VWA8: variants seen among roughly 807,000 people sequenced by gnomAD.
VWA8 encodes the protein von Willebrand factor A domain-containing protein 8.
VWA8 carries 221 observed loss-of-function variants against 241.5 expected under a neutral mutation model. The ratio of observed to expected loss-of-function variants is 0.91; its 90% CI spans 0.82 to 1.02. VWA8 has a LOEUF of 1.02. Among genes scored for constraint, VWA8 ranks in the 50% least tolerant of loss-of-function variants. The pLI is 0.00. For synonymous variants in VWA8, 852 were observed against 827.1 expected (o/e 1.03, Z -0.52); for missense variants, 2,322 against 2,328.7 (o/e 1.00, Z 0.06).
At chr13:41,707,017 C>T (rs1002926540) in intron 26 of VWA8, among the ~76,000 whole-genome samples, 3 of 151,918 alleles carry the variant, frequency 2.0e-5, no homozygotes, top group African/African-American at 7.3e-5. Context: ...ATTTCTTAAT[C>T]CCTTGTGGAA....
chr13:41,829,193 A>G (rs1434479641), intron 14 of VWA8, among the ~76,000 whole-genome samples: 4 of 152,360 alleles, frequency 2.6e-5, no homozygotes, highest in Admixed American at 6.5e-5. Context: ...ACAATGAGAT[A>G]CCACCTTACT....
At chr13:41,789,436 A>G (rs967721610) in intron 17 of VWA8, among the ~76,000 whole-genome samples, 9 of 152,190 alleles carry the variant, frequency 5.9e-5, no homozygotes, top group African/African-American at 2.2e-4. Flanking sequence ...TTTAAAAGTA[A>G]TTATTACATT....
intron 2 of VWA8, among the ~76,000 whole-genome samples, chr13:41,912,805 C>A (rs915628442): frequency 6.6e-6 from 1 of 152,150 alleles, no homozygotes; most frequent in African/African-American, 2.4e-5. Context: ...ATGCAACGCC[C>A]TTCCAGGTCT....
rs774421355 is a variant in VWA8, at chr13:41,949,967, AG to A, written c.209del (p.Pro70LeufsTer20). The A allele has an allele frequency of 6.3e-7, 1 of 1,595,322 alleles. No homozygotes were observed. The highest frequency in any genetic ancestry group is 8.6e-7 in the Non-Finnish European group (1 of 1,168,460). ...TCTGTGGCACAAGTTCTGGATTCTT[AG>A]GAATTTTCAACTTGTAGGATACATC... is the stretch of plus-strand genomic sequence containing the variant. ...IGDVSYKLKIPKNPELVPQNY... is the reference protein window; with the variant it reads ...IGDVSYKLKIXKNPELVPQNY... On this transcript the variant is annotated frameshift_variant, in exon 2 of 45. Coordinates refer to ENST00000379310, the MANE Select transcript of VWA8 (RefSeq NM_015058.2). LOFTEE classifies it high-confidence loss of function.
chr13:41,625,910 T>G (rs1479416106), intron 37 of VWA8, among the ~76,000 whole-genome samples: 1 of 151,772 alleles, frequency 6.6e-6, no homozygotes, highest in Admixed American at 6.6e-5. Flanking sequence ...CCATAAAAAA[T>G]GATGATTTCA....
At chr13:41,881,989 G>T (rs1447431145) in intron 9 of VWA8, among the ~76,000 whole-genome samples, 1 of 150,994 alleles carries the variant, frequency 6.6e-6, no homozygotes, top group Non-Finnish European at 1.5e-5. Context: ...CGGGACGGAG[G>T]GGCTCCTCAC....
chr13:41,835,012 A>G (rs574657579), intron 12 of VWA8, among the ~76,000 whole-genome samples: 8 of 152,330 alleles, frequency 5.3e-5, no homozygotes, highest in Non-Finnish European at 8.8e-5. Context: ...GTTCTCACTT[A>G]TAAGTGGAAG....
chr13:41,790,939 C>T (rs1359241997), intron 17 of VWA8, among the ~76,000 whole-genome samples: 5 of 150,954 alleles, frequency 3.3e-5, no homozygotes, highest in South Asian at 2.1e-4. Context: ...ATTACATTAA[C>T]AAAAAAAAGC....
At chr13:41,877,572 G>C (rs1873957678) in intron 9 of VWA8, among the ~76,000 whole-genome samples, 1 of 151,962 alleles carries the variant, frequency 6.6e-6, no homozygotes, top group Non-Finnish European at 1.5e-5. Context: ...ATTAGTGTTT[G>C]TTGAACTAAA....
intron 12 of VWA8, among the ~76,000 whole-genome samples, chr13:41,860,342 T>C (rs1337259998): frequency 6.6e-6 from 1 of 152,202 alleles, no homozygotes; most frequent in Non-Finnish European, 1.5e-5. Context: ...ATCTAAAAGG[T>C]TGACAGGATA....
At chr13:41,890,165 C>T (rs767545013) in intron 5 of VWA8, among the ~76,000 whole-genome samples, 1 of 152,198 alleles carries the variant, frequency 6.6e-6, no homozygotes, top group Non-Finnish European at 1.5e-5. Context: ...CTGGCCCTGC[C>T]GGCCATGCAG....
At chr13:41,780,197 G>A (rs1188713807) in intron 19 of VWA8, among the ~76,000 whole-genome samples, 1 of 152,134 alleles carries the variant, frequency 6.6e-6, no homozygotes, top group African/African-American at 2.4e-5. Flanking sequence ...ATACCCACAT[G>A]TCAGCATTCA....
At chr13:41,891,674 C>T in intron 4 of VWA8, 87 bp from the exon 5 acceptor site, 31 of 1,437,596 alleles carry the variant, frequency 2.2e-5, no homozygotes, top group Non-Finnish European at 2.9e-5. Flanking sequence ...ATTTAAGTTG[C>T]AGTTCTTGTT....
intron 21 of VWA8, among the ~76,000 whole-genome samples, chr13:41,751,170 G>A (rs1229248060): frequency 6.6e-6 from 1 of 152,090 alleles, no homozygotes; most frequent in East Asian, 1.9e-4. Context: ...AAATCAATTT[G>A]GAGATCATCT....
In VWA8 at chr13:41,732,154, C is replaced by A; in HGVS notation, c.2428G>T (p.Asp810Tyr). The A allele has an allele frequency of 6.2e-7, 1 of 1,608,930 alleles. No individual in the cohort carries two copies. The change falls in exon 22 of 45, where the codon GAT (aspartate) becomes TAT (tyrosine). Residue 810 changes from aspartate (D) to tyrosine (Y), a missense_variant and splice_region_variant. By Grantham distance (160) the Asp-to-Tyr change is radical (BLOSUM62 -3). Transcript: ENST00000379310. ...RPREYIQLHRDTTVQTLTLQP... is the reference protein window; with the variant it reads ...RPREYIQLHRYTTVQTLTLQP... ...AGCGTAAGAGTTTGTACTGTGGTATCCCTAAAGTAAAACCAACACATTTTA... is the reference window on the plus strand; with the variant it reads ...AGCGTAAGAGTTTGTACTGTGGTATACCTAAAGTAAAACCAACACATTTTA...
At position 41,912,054 on chromosome 13, in the gene VWA8, A is replaced by G. The variant is rs1566036950; in HGVS notation, c.356T>C (p.Ile119Thr). ...IGPPGPLRRS[I>T]AMQYLELTKR... ...ACTGCTCACCAAGTACTGCATAGCAATAGAGCGTCGAAGAGGCCCAGGAGG... is the reference window on the plus strand; with the variant it reads ...ACTGCTCACCAAGTACTGCATAGCAGTAGAGCGTCGAAGAGGCCCAGGAGG... Residue 119 changes from isoleucine to threonine, a missense_variant, in exon 3 of 45, where the codon ATT (isoleucine) becomes ACT (threonine). Coordinates refer to ENST00000379310, the MANE Select transcript of VWA8 (RefSeq NM_015058.2). 15 of 1,597,846 alleles carry G rather than the reference A, an allele frequency of 9.4e-6. No homozygotes were observed. Among genetic ancestry groups the G allele is most frequent in the Non-Finnish European group, 1.2e-5 (14 of 1,170,310 alleles).
chr13:41,719,767 T>C, intron 25 of VWA8, 25 bp from the exon 26 acceptor site: 1 of 1,593,122 alleles, frequency 6.3e-7, no homozygotes. Context: ...AATTCCCTTA[T>C]TATGCATGTG....
At chr13:41,855,332 A>T (rs1404022490) in intron 12 of VWA8, among the ~76,000 whole-genome samples, 1 of 145,432 alleles carries the variant, frequency 6.9e-6, no homozygotes, top group Non-Finnish European at 1.5e-5. Context: ...ATATATATAT[A>T]ATATATAATA....
chr13:41,947,514 C>T (rs879302092), intron 2 of VWA8, among the ~76,000 whole-genome samples: 1 of 152,200 alleles, frequency 6.6e-6, no homozygotes, highest in Non-Finnish European at 1.5e-5. Flanking sequence ...AATGAGATGT[C>T]ACTTCACATG....
Sources: gnomAD v4.1 joint callset for allele counts (sites outside exome capture counted in the v4.1 genomes callset) on GRCh38, gnomAD v4.1.1 for gene constraint, MANE v1.5 for transcripts, NCBI Gene and HGNC (gene_info 2026-07-23, HGNC 2026-07-21) for gene names.